The following CELSR2 variants were observed in gnomAD, a reference collection of about 807,000 sequenced individuals.
CELSR2 encodes the protein cadherin EGF LAG seven-pass G-type receptor 2.
Under a neutral mutation model 251.6 loss-of-function variants are expected in CELSR2, and 81 were observed. The ratio of observed to expected loss-of-function variants is 0.32; its 90% CI spans 0.27 to 0.39. The LOEUF is 0.39. CELSR2 is among the 10% of genes least tolerant of loss of function. The pLI is 1.00. For missense variants in CELSR2, 3,365 were observed against 3,947.7 expected, an observed-to-expected ratio of 0.85 and a Z score of 3.96; for synonymous variants, 1,721 against 1,670.5, an observed-to-expected ratio of 1.03 and a Z score of -0.74.
rs1164801874 is a variant in CELSR2 at position 109,251,546 on chromosome 1, C to T, written c.1467C>T (p.Gly489=). The T allele has an allele frequency of 6.2e-7, 1 of 1,613,590 alleles. No homozygotes were observed. Among genetic ancestry groups the T allele is most frequent in the Non-Finnish European group, 8.5e-7 (1 of 1,180,026 alleles). The change falls in exon 1 of 34, where the codon GGC becomes GGT. Residue 489 remains glycine (G), a synonymous_variant. Coordinates refer to ENST00000271332, the MANE Select transcript of CELSR2 (RefSeq NM_001408.3). The surrounding 1 kb of genome is among the most constrained non-coding windows in gnomAD (Gnocchi z 4.9). The stretch of plus-strand genomic sequence containing the variant: ...GTCCCCCACTCTCTAATGTCTCTGG[C>T]TTGGTGACAGTACAGGTCCTGGATA... ...GGRPPLSNVS[G]LVTVQVLDIN...
chr1:109,272,572 G>T (rs1192357245), intron 29 of CELSR2, 68 bp from the exon 30 acceptor site: 2 of 1,517,236 alleles, frequency 1.3e-6, no homozygotes, highest in African/African-American at 1.4e-5. Flanking sequence ...GATCCCAGGG[G>T]AGAGGAGAGA....
Position 109,274,293 on chromosome 1 carries a change from C to G in CELSR2, c.*244C>G. ...CTTTGGACCCCTGGGGCCAACATCT[C>G]CAAGACAAAGTTTTTCAGAAAAGAG... is the stretch of plus-strand genomic sequence containing the variant. On this transcript the variant is annotated 3_prime_UTR_variant, in exon 34 of 34. Coordinates refer to ENST00000271332, the MANE Select transcript of CELSR2 (RefSeq NM_001408.3). 1.2e-6 allele frequency: 1 copy of G among 860,952 alleles called. No homozygotes were observed. Among genetic ancestry groups the G allele is most frequent in the East Asian group, 2.8e-5 (1 of 35,650 alleles). 53.3% of individuals were successfully genotyped at this position (860,952 alleles called of 1,614,324 possible). A position where few individuals can be genotyped will look rare whatever the true frequency, so the allele number is the denominator to read the frequency against.
chr1:109,256,217 C>T (rs1447100592), intron 1 of CELSR2, among the ~76,000 whole-genome samples: 1 of 152,102 alleles, frequency 6.6e-6, no homozygotes, highest in African/African-American at 2.4e-5. Context: ...TAAATCTGGG[C>T]AGGCTTCCTG....
Position 109,268,024 on chromosome 1 carries a change from T to C in CELSR2, c.6282T>C (p.Phe2094=). The change falls in exon 17 of 34, where the codon TTT becomes TTC. Residue 2094 remains phenylalanine (F), a synonymous_variant. Transcript: ENST00000271332. ...CCCACGAGAGCACCCAGCGGGGCTT[T>C]GGGCTGTCTGCCACACAGGACGTGC... is the stretch of plus-strand genomic sequence containing the variant. ...LLAHESTQRG[F]GLSATQDVHF... is the part of the protein sequence containing the mutation. 6.2e-7 allele frequency: 1 copy of C among 1,607,206 alleles called. No individual in the cohort carries two copies. Among genetic ancestry groups the C allele is most frequent in the South Asian group, 1.1e-5 (1 of 90,946 alleles).
Position 109,251,021 on chromosome 1 carries a change from G to A in CELSR2, c.942G>A (p.Thr314=), listed in dbSNP as rs374336247. ...VGYEVLTVRA[T]DGDAPPNANI... ...ATGAGGTGCTCACTGTCAGGGCCAC[G>A]GATGGTGATGCCCCTCCCAATGCCA... is the stretch of plus-strand genomic sequence containing the variant. The change falls in exon 1 of 34, where the codon ACG becomes ACA. Residue 314 remains threonine, a synonymous_variant. Transcript: ENST00000271332. This position sits in a 1 kb window ranked among gnomAD's most constrained non-coding sequence, Gnocchi z 4.9. 9.3e-6 allele frequency: 15 copies of A among 1,613,378 alleles called. No individual in the cohort carries two copies. The highest frequency in any genetic ancestry group is 5.0e-5 in the Admixed American group (3 of 60,008).
chr1:109,249,924 C>G lies in CELSR2; in HGVS notation c.-156C>G. ...CTCGTCGGAGGGTGCAGCGCGGGGT[C>G]CCGCCGAGCCATCCAGACGCAGGCC... On this transcript the variant is annotated 5_prime_UTR_variant, in exon 1 of 34. Transcript: ENST00000271332. The G allele has an allele frequency of 1.7e-6, 1 of 605,132 alleles. No homozygotes were observed. Among genetic ancestry groups the G allele is most frequent in the Non-Finnish European group, 2.2e-6 (1 of 444,620 alleles). 37.5% of individuals were successfully genotyped at this position (605,132 alleles called of 1,614,324 possible).
intron 2 of CELSR2, among the ~76,000 whole-genome samples, chr1:109,259,961 C>T (rs1287010438): frequency 1.3e-5 from 2 of 152,118 alleles, no homozygotes; most frequent in Admixed American, 6.5e-5. Flanking sequence ...TGGGCCTTTC[C>T]TTCCTAGATG....
At chr1:109,263,989 G>A in intron 9 of CELSR2, 89 bp from the exon 10 acceptor site, 2 of 1,481,562 alleles carry the variant, frequency 1.3e-6, no homozygotes, top group Non-Finnish European at 1.8e-6. Flanking sequence ...CAGCGGGATG[G>A]GTTTGATGGT....
At chr1:109,271,993 G>A (rs1656383848) in intron 28 of CELSR2, among the ~76,000 whole-genome samples, 1 of 152,148 alleles carries the variant, frequency 6.6e-6, no homozygotes, top group African/African-American at 2.4e-5. Flanking sequence ...TAAATTTTCT[G>A]TCTCCCAAGG....
Position 109,264,240 on chromosome 1 carries a change from G to A in CELSR2, c.5164G>A (p.Gly1722Arg). ...CCATGCCATTCTGTCCTTCGATTAT[G>A]GGCAGCAGAGAGCAGAGGGCAACCT... The part of the protein sequence containing the change: ...PGHAILSFDY[G>R]QQRAEGNLGP... Residue 1722 changes from glycine (G) to arginine (R), a missense_variant, in exon 10 of 34, where the codon GGG becomes AGG. This residue lies in a region of CELSR2 where 2,093 missense variants were observed against 2,382.8 expected (regional missense o/e 0.88). Transcript: ENST00000271332. 1 of 1,613,972 alleles carries A rather than the reference G, an allele frequency of 6.2e-7. No individual in the cohort carries two copies.
At position 109,250,227 on chromosome 1, in the gene CELSR2, G is replaced by T. The variant is rs763558785; in HGVS notation, c.148G>T (p.Ala50Ser). The change falls in exon 1 of 34, where the codon GCC becomes TCC. Residue 50 changes from alanine to serine, a missense_variant. Physicochemically the swap from Ala to Ser is moderately conservative, Grantham distance 99. Around this residue, in one of 5 missense-constraint regions of CELSR2, gnomAD observed 704 missense variants for 784.1 expected, o/e 0.90. Coordinates refer to ENST00000271332, the MANE Select transcript of CELSR2 (RefSeq NM_001408.3). This position sits in a 1 kb window ranked among gnomAD's most constrained non-coding sequence, Gnocchi z 4.4. ...GTCCAGGGGACGAGGCTCTTCGGGG[G>T]CCTGCGCCCCCATGGGCTGGCTCTG... is the stretch of plus-strand genomic sequence containing the variant. ...LGSRGRGSSGACAPMGWLCPS... is the reference protein window; with the variant it reads ...LGSRGRGSSGSCAPMGWLCPS... 1.0e-5 allele frequency: 16 copies of T among 1,604,314 alleles called. No homozygotes were observed. The highest frequency in any genetic ancestry group is 1.4e-5 in the Non-Finnish European group (16 of 1,175,850).
intron 1 of CELSR2, 139 bp from the exon 2 acceptor site, chr1:109,258,293 T>G: frequency 5.2e-6 from 3 of 580,932 alleles, no homozygotes; most frequent in East Asian, 3.0e-5. Flanking sequence ...CCTGAAGGAG[T>G]GATTGGCCCA....
In CELSR2 at chr1:109,271,582, C is replaced by T. The variant is rs199794652; in HGVS notation, c.7804-18C>T. On this transcript the variant is annotated intron_variant, in intron 27 of 33. Coordinates refer to ENST00000271332, the MANE Select transcript of CELSR2 (RefSeq NM_001408.3). ...ATGCCTGAATATGCACAGACCGTTG[C>T]TGCCTCTTGCCTGCCAGGGCCCCTT... The T allele has an allele frequency of 3.2e-5, 52 of 1,614,144 alleles. No individual in the cohort carries two copies. The highest frequency in any genetic ancestry group is 4.3e-5 in the Non-Finnish European group (51 of 1,180,038).
chr1:109,269,968 C>T lies in CELSR2; in HGVS notation c.7143C>T (p.Tyr2381=), dbSNP rs375633120. Residue 2381 remains tyrosine (Y), a synonymous_variant, in exon 23 of 34, where the codon TAC becomes TAT. Coordinates refer to ENST00000271332, the MANE Select transcript of CELSR2 (RefSeq NM_001408.3). This position sits in a 1 kb window ranked among gnomAD's most constrained non-coding sequence, Gnocchi z 6.4. The part of the protein sequence containing the change: ...GEILPLKTLT[Y]VALGVTLAAL... ...TCCTGCCACTGAAGACACTGACATA[C>T]GTGGCTCTAGGTGTCACCTTGGCTG... The T allele has an allele frequency of 9.9e-6, 16 of 1,614,162 alleles. No individual in the cohort carries two copies. In the African/African-American group the frequency reaches 1.2e-4, roughly 12 times the overall value.
intron 5 of CELSR2, 27 bp from the exon 6 acceptor site, chr1:109,262,260 C>A (rs1402389400): frequency 6.2e-7 from 1 of 1,610,498 alleles, no homozygotes; most frequent in Non-Finnish European, 8.5e-7. Context: ...CTCAGTGTCC[C>A]CCTTCTCTGC....
In CELSR2 at chr1:109,274,255, T is replaced by A; in HGVS notation, c.*206T>A. 3.1e-6 allele frequency: 4 copies of A among 1,284,960 alleles called. No individual in the cohort carries two copies. Among genetic ancestry groups the A allele is most frequent in the Non-Finnish European group, 4.2e-6 (4 of 961,728 alleles). The allele number at this position is 1,284,960 out of a possible 1,614,324, so 79.6% of individuals were successfully genotyped here. ...CTAGTGCCAACTCCCCCCCCACCAT[T>A]CCCCTCACTGCACTTTGGACCCCTG... On this transcript the variant is annotated 3_prime_UTR_variant, in exon 34 of 34. Transcript: ENST00000271332.
chr1:109,273,556 GC>G lies in CELSR2; in HGVS notation c.8636del (p.Pro2879LeufsTer14). 6.4e-7 allele frequency: 1 copy of G among 1,569,248 alleles called. No homozygotes were observed. Among genetic ancestry groups the G allele is most frequent in the South Asian group, 1.2e-5 (1 of 86,320 alleles). ...TCCGCTAGTGAGGGCAGCCGGGGAG[GC>G]CCCCCTCCCCGCCCACCGCCCCGGC... ...GSSASEGSRG[G>X]PPPRPPPRQS... On this transcript the variant is annotated frameshift_variant, in exon 33 of 34. Transcript: ENST00000271332. LOFTEE classifies it high-confidence loss of function.
Position 109,269,563 on chromosome 1 carries a change from A to G in CELSR2, c.6952A>G (p.Ile2318Val). Residue 2318 changes from isoleucine (I) to valine (V), a missense_variant, in exon 21 of 34, where the codon ATC (isoleucine) becomes GTC (valine). Ile to Val is a conservative substitution (Grantham distance 29, BLOSUM62 3). Around this residue, in one of 5 missense-constraint regions of CELSR2, gnomAD observed 2,093 missense variants for 2,382.8 expected, o/e 0.88. Transcript: ENST00000271332. The surrounding 1 kb of genome is among the most constrained non-coding windows in gnomAD (Gnocchi z 6.4). ...LLETEERTKP[I>V]CVFWNHSILV... ...GGAGACAGAGGAGCGGACCAAGCCC[A>G]TCTGTGTCTTCTGGAACCATTCAAT... The G allele has an allele frequency of 6.2e-7, 1 of 1,614,100 alleles. No individual in the cohort carries two copies. The highest frequency in any genetic ancestry group is 8.5e-7 in the Non-Finnish European group (1 of 1,180,022).
rs758440966 is a variant in CELSR2, at chr1:109,273,179, G to A, written c.8352G>A (p.Gly2784=). 9 of 1,608,496 alleles carry A rather than the reference G, an allele frequency of 5.6e-6. No individual in the cohort carries two copies. The Admixed American group carries it at 1.5e-4, about 27-fold the overall frequency. Residue 2784 remains glycine (G), a synonymous_variant, in exon 32 of 34, where the codon GGG becomes GGA. Transcript: ENST00000271332. ...LHSTPKDGGP[G]PGKAPWPGDF... ...TTTCCCCACCAGATGGGGGCCCAGG[G>A]CCTGGCAAGGCCCCCTGGCCAGGAG...
Sources: allele counts gnomAD v4.1 joint callset (sites outside exome capture counted in the v4.1 genomes callset), GRCh38; gene constraint gnomAD v4.1.1; regional missense constraint gnomAD v4.1.1; non-coding constraint Gnocchi (gnomAD v3.1); transcripts MANE v1.5; gene names NCBI Gene and HGNC (gene_info 2026-07-23, HGNC 2026-07-21).